PRKG1: variants seen among roughly 807,000 people sequenced by gnomAD.
The protein encoded by PRKG1 is cGMP-dependent protein kinase 1.
PRKG1 carries 35 observed loss-of-function variants against 88.1 expected under a neutral mutation model. The ratio of observed to expected loss-of-function variants is 0.40; its 90% confidence interval spans 0.30 to 0.53. The LOEUF is 0.53. Among genes scored for constraint, PRKG1 ranks in the 20% least tolerant of loss-of-function variants. The pLI is 0.59. For missense variants in PRKG1, 540 were observed against 839.8 expected, an observed-to-expected ratio of 0.64 and a Z score of 4.41; for synonymous variants, 303 against 292.5, an observed-to-expected ratio of 1.04 and a Z score of -0.37.
chr10:51,120,311 A>G (rs897741317), intron 1 of PRKG1, among the ~76,000 whole-genome samples: 4 of 152,108 alleles, frequency 2.6e-5, no homozygotes, highest in Non-Finnish European at 4.4e-5. Flanking sequence ...GAGGTTGTTG[A>G]TTCCGATTTT....
intron 3 of PRKG1, among the ~76,000 whole-genome samples, chr10:51,764,026 C>T (rs1424555717): frequency 6.6e-6 from 1 of 152,206 alleles, no homozygotes; most frequent in Non-Finnish European, 1.5e-5. Flanking sequence ...TCAATCATCT[C>T]TTAAAGGCTC....
intron 2 of PRKG1, chr10:51,320,258 A>G (rs1168351098): frequency 6.0e-6 from 1 of 166,292 alleles, no homozygotes. Flanking sequence ...GTAAGTGACA[A>G]TGATTTTAAA....
rs202240488 is a variant in PRKG1 at position 51,374,425 on chromosome 10, C to CT, written c.479-93292dup. ...TCCCTGCAAAGGACATGAACTCATC[C>CT]TTTTTTATGGCTGCAGAGTTAACGC... On this transcript the variant is annotated intron_variant, in intron 2 of 17. Coordinates refer to ENST00000373980, the MANE Select transcript of PRKG1 (RefSeq NM_006258.4). Among the ~76,000 whole-genome samples the CT allele has an allele frequency of 2.2e-3, 342 of 152,026 alleles. 11 individuals are homozygous for CT. The East Asian group carries it at 0.058, about 26-fold the overall frequency.
chr10:52,099,746 A>G (rs1333228987), intron 7 of PRKG1, among the ~76,000 whole-genome samples: 1 of 152,132 alleles, frequency 6.6e-6, no homozygotes, highest in Non-Finnish European at 1.5e-5. Context: ...GGAATCACAA[A>G]CCTAGGGTAT....
chr10:51,277,224 T>C (rs1332307136), intron 2 of PRKG1, among the ~76,000 whole-genome samples: 1 of 152,232 alleles, frequency 6.6e-6, no homozygotes, highest in Non-Finnish European at 1.5e-5. Context: ...AGGCAATCCT[T>C]TCCCCATTTC....
At chr10:51,335,989 T>A (rs1162766785) in intron 2 of PRKG1, among the ~76,000 whole-genome samples, 1 of 152,186 alleles carries the variant, frequency 6.6e-6, no homozygotes, top group African/African-American at 2.4e-5. Context: ...ATTTAACTCA[T>A]AAGTTAGCCA....
At chr10:52,080,965 T>G (rs753010948) in intron 7 of PRKG1, among the ~76,000 whole-genome samples, 2 of 152,162 alleles carry the variant, frequency 1.3e-5, no homozygotes, top group Admixed American at 6.5e-5. Flanking sequence ...AAACTCCTGA[T>G]AGAATAGGCT....
At chr10:51,362,715 G>A (rs1375135872) in intron 2 of PRKG1, among the ~76,000 whole-genome samples, 1 of 151,672 alleles carries the variant, frequency 6.6e-6, no homozygotes, top group Non-Finnish European at 1.5e-5. Flanking sequence ...TGCCATGTTG[G>A]TTTGCTGCAC....
intron 2 of PRKG1, among the ~76,000 whole-genome samples, chr10:51,175,010 CAATGTA>C (rs1337798045): frequency 1.3e-5 from 2 of 151,816 alleles, no homozygotes; most frequent in African/African-American, 4.8e-5. Context: ...CAATGAAAGA[CAATGTA>C]AAAGGATTTG....
chr10:51,408,166 T>C (rs921109319), intron 2 of PRKG1, among the ~76,000 whole-genome samples: 1 of 152,182 alleles, frequency 6.6e-6, no homozygotes, highest in Admixed American at 6.5e-5. Context: ...GTACCATATA[T>C]TGGATGCTGA....
intron 2 of PRKG1, among the ~76,000 whole-genome samples, chr10:51,373,091 G>A (rs537159705): frequency 7.2e-5 from 11 of 152,078 alleles, no homozygotes; most frequent in Middle Eastern, 3.4e-3. Flanking sequence ...TCCATCCATC[G>A]ATTCACTAAT....
At chr10:51,348,407 C>A in intron 2 of PRKG1, among the ~76,000 whole-genome samples, 1 of 152,080 alleles carries the variant, frequency 6.6e-6, no homozygotes, top group East Asian at 1.9e-4. Flanking sequence ...CAAAGAAGTT[C>A]AGTAATTTTC....
intron 1 of PRKG1, among the ~76,000 whole-genome samples, chr10:51,057,699 A>G (rs1398090215): frequency 6.6e-6 from 1 of 152,114 alleles, no homozygotes; most frequent in Non-Finnish European, 1.5e-5. Flanking sequence ...GCTTGTAGCA[A>G]TGTTCACTTA....
chr10:51,757,543 A>G (rs1330079559), intron 3 of PRKG1, among the ~76,000 whole-genome samples: 2 of 152,196 alleles, frequency 1.3e-5, no homozygotes, highest in Non-Finnish European at 2.9e-5. Context: ...CTAAGGGAAG[A>G]CACTACTTTA....
chr10:51,163,130 A>T lies in PRKG1; in HGVS notation c.478+9800A>T, dbSNP rs188050775. On this transcript the variant is annotated intron_variant, in intron 2 of 17. Transcript: ENST00000373980. ...GGGTGAGCCGAGATCACACCGCTAC[A>T]CTCCAGTCTGGGCAACAGGAGTGAA... is the stretch of plus-strand genomic sequence containing the variant. 3.3e-4 allele frequency among the ~76,000 whole-genome samples: 50 copies of T among 152,264 alleles called. 1 individual carries two copies. In the East Asian group the frequency reaches 7.1e-3, roughly 22 times the overall value.
At chr10:51,709,523 G>C (rs1841691046) in intron 3 of PRKG1, among the ~76,000 whole-genome samples, 1 of 152,204 alleles carries the variant, frequency 6.6e-6, no homozygotes, top group South Asian at 2.1e-4. Context: ...AGTGCCTGCA[G>C]GAAAACAGGG....
intron 3 of PRKG1, among the ~76,000 whole-genome samples, chr10:51,558,563 G>A (rs1197049975): frequency 6.6e-6 from 1 of 152,054 alleles, no homozygotes; most frequent in Non-Finnish European, 1.5e-5. Flanking sequence ...CAATGGTAAA[G>A]TGAGTCTTCC....
At chr10:51,793,929 T>C (rs1480671720) in intron 3 of PRKG1, among the ~76,000 whole-genome samples, 1 of 151,938 alleles carries the variant, frequency 6.6e-6, no homozygotes, top group Non-Finnish European at 1.5e-5. Flanking sequence ...ATCCAGCTAG[T>C]TTTTTTGTAT....
intron 1 of PRKG1, among the ~76,000 whole-genome samples, chr10:51,149,104 C>T (rs1846003749): frequency 6.6e-6 from 1 of 152,040 alleles, no homozygotes; most frequent in Non-Finnish European, 1.5e-5. Context: ...CACCTTTGTC[C>T]TTGTTTTTAC....
Sources: gnomAD v4.1 joint callset for allele counts (sites outside exome capture counted in the v4.1 genomes callset) on GRCh38, gnomAD v4.1.1 for gene constraint, MANE v1.5 for transcripts, NCBI Gene and HGNC (gene_info 2026-07-23, HGNC 2026-07-21) for gene names.